Variants in NXPE2 observed in about 807,000 individuals in gnomAD.
NXPE2 encodes neurexophilin and PC-esterase domain family member 2, also known as NXPE family member 2.
Under a neutral mutation model 34.4 loss-of-function variants are expected in NXPE2, and 34 were observed. The ratio of observed to expected loss-of-function variants is 0.99; its 90% CI spans 0.75 to 1.31. The LOEUF is 1.31. NXPE2 is among the 40% of genes most tolerant of loss of function. The pLI, the probability that NXPE2 is intolerant of heterozygous loss-of-function variation, is 0.00. For missense variants in NXPE2, 649 were observed against 672.5 expected, an observed-to-expected ratio of 0.97 and a Z score of 0.39; for synonymous variants, 235 against 231.3, an observed-to-expected ratio of 1.02 and a Z score of -0.15.
the NXPE2 span, chr11:114,581,702 C>T: frequency 5.0e-6 from 8 of 1,595,028 alleles, no homozygotes; most frequent in Non-Finnish European, 6.9e-6. Flanking sequence ...TAGGCACCAC[C>T]CACCAAACAC....
the NXPE2 span, among the ~76,000 whole-genome samples, chr11:114,625,917 C>T: frequency 1.5e-4 from 23 of 152,230 alleles, no homozygotes; most frequent in African/African-American, 4.6e-4. Context: ...GGGTGACAGA[C>T]GGCACCTGGA....
At chr11:114,724,085 G>A in the NXPE2 span, among the ~76,000 whole-genome samples, 1 of 152,132 alleles carries the variant, frequency 6.6e-6, no homozygotes, top group Admixed American at 6.5e-5. Context: ...TTGTTGGACG[G>A]AATAGCAGCA....
At chr11:114,496,751 A>G in the NXPE2 span, among the ~76,000 whole-genome samples, 12 of 152,182 alleles carry the variant, frequency 7.9e-5, no homozygotes, top group Non-Finnish European at 1.2e-4. Context: ...TAATGTTTTG[A>G]TGAACAACAG....
chr11:114,608,972 C>T, the NXPE2 span, among the ~76,000 whole-genome samples: 1 of 151,394 alleles, frequency 6.6e-6, no homozygotes, highest in African/African-American at 2.4e-5. Flanking sequence ...ATAAGTGTTG[C>T]CTCGTGGGTA....
At chr11:114,585,925 CA>C in the NXPE2 span, among the ~76,000 whole-genome samples, 1 of 152,076 alleles carries the variant, frequency 6.6e-6, no homozygotes, top group African/African-American at 2.4e-5. Context: ...TCTTTGTCAC[CA>C]TGTGTACAGT....
chr11:114,678,780 AC>A (rs1317873229), intron 1 of NXPE2, among the ~76,000 whole-genome samples, 179 bp downstream of exon 1: 1 of 152,062 alleles, frequency 6.6e-6, no homozygotes, highest in East Asian at 1.9e-4. Context: ...TAAAACAGTA[AC>A]TAGAAAAAAA....
the NXPE2 span, among the ~76,000 whole-genome samples, chr11:114,630,204 C>A: frequency 1.3e-5 from 2 of 151,704 alleles, no homozygotes; most frequent in East Asian, 3.8e-4. Context: ...AAAAAGAGCC[C>A]TCATCGCCAA....
chr11:114,601,759 ATGTGATT>A, the NXPE2 span, among the ~76,000 whole-genome samples: 236 of 71,078 alleles, frequency 3.3e-3, 9 homozygotes, highest in African/African-American at 0.013. Context: ...TATAATATAT[ATGTGATT>A]ATATATTATA....
At chr11:114,747,116 T>C in the NXPE2 span, among the ~76,000 whole-genome samples, 2 of 152,340 alleles carry the variant, frequency 1.3e-5, no homozygotes, top group East Asian at 3.9e-4. Flanking sequence ...TCTATCCAGA[T>C]TCCTTTCTTT....
At chr11:114,678,360 T>A, upstream of NXPE2, 1 of 448,392 alleles carries the variant, frequency 2.2e-6, no homozygotes, top group Non-Finnish European at 4.0e-6. Flanking sequence ...AGCTTCCTCA[T>A]GGCTTTTTCC....
the NXPE2 span, among the ~76,000 whole-genome samples, chr11:114,771,055 T>C: frequency 6.6e-6 from 1 of 152,160 alleles, no homozygotes; most frequent in African/African-American, 2.4e-5. Context: ...ATATTATAGA[T>C]GATCATTTGA....
chr11:114,715,084 G>T, the NXPE2 span, among the ~76,000 whole-genome samples: 1 of 152,174 alleles, frequency 6.6e-6, no homozygotes, highest in Non-Finnish European at 1.5e-5. Context: ...ATTCCATGCT[G>T]AAATCAATAA....
At chr11:114,773,284 C>CT in the NXPE2 span, among the ~76,000 whole-genome samples, 9 of 83,862 alleles carry the variant, frequency 1.1e-4, 1 homozygote, top group South Asian at 1.7e-3. Flanking sequence ...CTCCCACCCC[C>CT]CCCCCACCCC....
the NXPE2 span, among the ~76,000 whole-genome samples, chr11:114,591,396 T>C: frequency 1.3e-5 from 2 of 152,206 alleles, no homozygotes. Context: ...TATCCTCAGT[T>C]TTCCTTCCAT....
chr11:114,618,776 A>C, the NXPE2 span, among the ~76,000 whole-genome samples: 1 of 152,024 alleles, frequency 6.6e-6, no homozygotes, highest in African/African-American at 2.4e-5. Context: ...CTGGTGGATA[A>C]AAAGTGTTGC....
the NXPE2 span, among the ~76,000 whole-genome samples, chr11:114,740,693 A>C: frequency 1.4e-4 from 21 of 152,176 alleles, no homozygotes; most frequent in Admixed American, 1.4e-3. Context: ...TTTGGTCTAA[A>C]GAGTAGTTGA....
At chr11:114,702,925 G>A (rs1951393249) in intron 3 of NXPE2, among the ~76,000 whole-genome samples, 1 of 152,144 alleles carries the variant, frequency 6.6e-6, no homozygotes, top group Non-Finnish European at 1.5e-5. Flanking sequence ...TATCCCTTTT[G>A]AAGGTTTCTG....
At chr11:114,708,470 G>A (rs1218043084), downstream of NXPE2, among the ~76,000 whole-genome samples, 4 of 151,828 alleles carry the variant, frequency 2.6e-5, no homozygotes, top group African/African-American at 4.8e-5. Context: ...TGTTATTAAG[G>A]ATACTTCCCC....
At chr11:114,652,343 C>A in the NXPE2 span, among the ~76,000 whole-genome samples, 2 of 152,212 alleles carry the variant, frequency 1.3e-5, no homozygotes, top group Non-Finnish European at 2.9e-5. Flanking sequence ...AGCACCAGAG[C>A]CAAAGCTCCC....
Sources: gnomAD v4.1 joint callset for allele counts (sites outside exome capture counted in the v4.1 genomes callset) on GRCh38, gnomAD v4.1.1 for gene constraint, MANE v1.5 for transcripts, NCBI Gene and HGNC (gene_info 2026-07-23, HGNC 2026-07-21) for gene names.